The following LRRC4C variants were observed in gnomAD, a reference collection of about 807,000 sequenced individuals.
The protein encoded by LRRC4C is leucine rich repeat containing 4C.
Under a neutral mutation model 33.6 loss-of-function variants are expected in LRRC4C, and 5 were observed. The observed-to-expected ratio is 0.15, with a 90% CI of 0.08 to 0.31. The LOEUF is 0.31. Among genes scored for constraint, LRRC4C ranks in the 10% least tolerant of loss-of-function variants. LRRC4C has a pLI of 1.00. For missense variants in LRRC4C, 560 were observed against 796.7 expected, an observed-to-expected ratio of 0.70 and a Z score of 3.58; for synonymous variants, 329 against 302.0, an observed-to-expected ratio of 1.09 and a Z score of -0.93.
intron 1 of LRRC4C, among the ~76,000 whole-genome samples, chr11:40,938,456 A>T (rs554768353): frequency 2.6e-5 from 4 of 152,274 alleles, no homozygotes; most frequent in African/African-American, 9.6e-5. Context: ...AACAATGACG[A>T]TGGCAGTAAA....
chr11:40,365,349 G>T (rs1166936711), intron 3 of LRRC4C, among the ~76,000 whole-genome samples: 2 of 152,000 alleles, frequency 1.3e-5, no homozygotes, highest in African/African-American at 4.8e-5. Context: ...GAAGTCAGGG[G>T]CCTGAATACT....
At chr11:41,244,605 C>G (rs758182238) in intron 1 of LRRC4C, among the ~76,000 whole-genome samples, 8 of 152,268 alleles carry the variant, frequency 5.3e-5, no homozygotes, top group Admixed American at 1.3e-4. Flanking sequence ...AGGAGAAGGT[C>G]TTATACTGCT....
intron 4 of LRRC4C, among the ~76,000 whole-genome samples, chr11:40,244,897 A>G (rs1472111296): frequency 6.6e-6 from 1 of 152,204 alleles, no homozygotes; most frequent in Non-Finnish European, 1.5e-5. Flanking sequence ...AGACAGTGGC[A>G]TATTCCATGG....
intron 1 of LRRC4C, among the ~76,000 whole-genome samples, chr11:41,039,108 T>C (rs1262076481): frequency 6.6e-6 from 1 of 152,164 alleles, no homozygotes; most frequent in African/African-American, 2.4e-5. Context: ...TTTTTGTATA[T>C]GGTGAAAGGC....
chr11:40,649,377 G>A (rs921728888), intron 2 of LRRC4C, among the ~76,000 whole-genome samples: 3 of 152,060 alleles, frequency 2.0e-5, no homozygotes, highest in African/African-American at 7.2e-5. Flanking sequence ...AAAGAATTTA[G>A]CAATATCTTC....
Position 40,736,439 on chromosome 11 carries a change from G to GTCTT in LRRC4C, c.-406-88165_-406-88162dup, listed in dbSNP as rs528932685. 5.4e-4 allele frequency among the ~76,000 whole-genome samples: 82 copies of GTCTT among 152,212 alleles called. No homozygotes were observed. The Middle Eastern group carries it at 0.01, about 19-fold the overall frequency. Reference sequence around the variant, plus strand: ...TAATGGGCATTTTGGTTGGTTCCAAGTCTTTGCTATTGTGAACAGTGCTGC... The same window carrying GTCTT: ...TAATGGGCATTTTGGTTGGTTCCAAGTCTTTCTTTGCTATTGTGAACAGTGCTGC... On this transcript the variant is annotated intron_variant, in intron 2 of 6. Coordinates refer to ENST00000528697, the MANE Select transcript of LRRC4C (RefSeq NM_001258419.2).
chr11:40,218,989 T>C (rs922215259), intron 5 of LRRC4C, among the ~76,000 whole-genome samples: 2 of 152,162 alleles, frequency 1.3e-5, no homozygotes, highest in Non-Finnish European at 1.5e-5. Flanking sequence ...CCTCTTTTTG[T>C]TATTTGCTCA....
At chr11:40,694,542 A>G (rs189607854) in intron 2 of LRRC4C, among the ~76,000 whole-genome samples, 1 of 152,302 alleles carries the variant, frequency 6.6e-6, no homozygotes, top group African/African-American at 2.4e-5. Flanking sequence ...TTATACACTC[A>G]TAATGTATTT....
intron 3 of LRRC4C, among the ~76,000 whole-genome samples, chr11:40,363,108 T>TTC: frequency 6.6e-6 from 1 of 152,180 alleles, no homozygotes; most frequent in East Asian, 1.9e-4. Context: ...CATGCATGCA[T>TTC]ATGTTCATTG....
intron 1 of LRRC4C, among the ~76,000 whole-genome samples, chr11:41,127,542 A>G (rs183808357): frequency 9.3e-4 from 141 of 152,248 alleles, no homozygotes; most frequent in African/African-American, 3.3e-3. Context: ...ATTATTACAT[A>G]GTGTAGTAGA....
chr11:40,206,945 C>T (rs761696989), intron 5 of LRRC4C, among the ~76,000 whole-genome samples: 1 of 152,028 alleles, frequency 6.6e-6, no homozygotes, highest in African/African-American at 2.4e-5. Context: ...GGACACTATG[C>T]ACACTCACAA....
At chr11:40,775,404 A>G (rs953676825) in intron 2 of LRRC4C, among the ~76,000 whole-genome samples, 2 of 106,088 alleles carry the variant, frequency 1.9e-5, no homozygotes, top group Admixed American at 9.6e-5. Context: ...ACAAGGCGAG[A>G]CTCTGTTTCA....
intron 3 of LRRC4C, among the ~76,000 whole-genome samples, chr11:40,367,451 C>G (rs552818271): frequency 6.6e-6 from 1 of 152,076 alleles, no homozygotes; most frequent in Admixed American, 6.6e-5. Context: ...TGATGCTGCA[C>G]TAGTATTTCT....
chr11:40,344,698 G>A (rs1371451491), intron 3 of LRRC4C, among the ~76,000 whole-genome samples: 2 of 152,022 alleles, frequency 1.3e-5, no homozygotes, highest in Admixed American at 6.5e-5. Flanking sequence ...CAAGTAGGAA[G>A]AGAGAAAGTC....
intron 3 of LRRC4C, among the ~76,000 whole-genome samples, chr11:40,431,553 A>C (rs1056158771): frequency 6.6e-6 from 1 of 151,834 alleles, no homozygotes; most frequent in Admixed American, 6.6e-5. Flanking sequence ...GTTAATCTTC[A>C]TCTCTTTTTC....
intron 1 of LRRC4C, among the ~76,000 whole-genome samples, chr11:41,018,389 T>C (rs143718993): frequency 1.7e-3 from 253 of 152,190 alleles, no homozygotes; most frequent in African/African-American, 5.9e-3. Flanking sequence ...CCAGCTACTT[T>C]TTGACAACCA....
intron 2 of LRRC4C, among the ~76,000 whole-genome samples, chr11:40,919,709 A>AT (rs551599537): frequency 1.3e-3 from 201 of 152,308 alleles, no homozygotes; most frequent in African/African-American, 4.6e-3. Context: ...TAAAGCAAAC[A>AT]TTAACAAGTT....
chr11:40,759,181 G>A (rs1949079473), intron 2 of LRRC4C, among the ~76,000 whole-genome samples: 1 of 145,768 alleles, frequency 6.9e-6, no homozygotes, highest in South Asian at 2.1e-4. Flanking sequence ...ACTCATATAT[G>A]AGGAATATAT....
At chr11:40,875,770 G>A (rs779149932) in intron 2 of LRRC4C, among the ~76,000 whole-genome samples, 10 of 152,142 alleles carry the variant, frequency 6.6e-5, no homozygotes, top group Middle Eastern at 3.4e-3. Context: ...CAGGTGGGAC[G>A]GTTTCGGGAT....
Sources: allele counts gnomAD v4.1 joint callset (sites outside exome capture counted in the v4.1 genomes callset), GRCh38; gene constraint gnomAD v4.1.1; transcripts MANE v1.5; gene names NCBI Gene and HGNC (gene_info 2026-07-23, HGNC 2026-07-21).